The following REXO5 variants were observed in gnomAD, a reference collection of about 807,000 sequenced individuals.
REXO5 encodes exonuclease NEF-sp.
REXO5 carries 48 observed loss-of-function variants against 88.5 expected under a neutral mutation model. That is an observed-to-expected ratio of 0.54 (90% confidence interval 0.43 to 0.69). The LOEUF is 0.69. REXO5 is among the 30% of genes least tolerant of loss of function. The pLI is 0.00. For synonymous variants in REXO5, 311 were observed against 336.5 expected (o/e 0.92, Z 0.83); for missense variants, 749 against 912.2 (o/e 0.82, Z 2.30).
Position 20,825,937 on chromosome 16 carries a change from C to T in REXO5, c.810C>T (p.Asp270=). 1 of 1,611,534 alleles carries T rather than the reference C, an allele frequency of 6.2e-7. No homozygotes were observed. Among genetic ancestry groups the T allele is most frequent in the Non-Finnish European group, 8.5e-7 (1 of 1,178,070 alleles). ...ELVKPENKIL[D]YLTSFSGITK... is the part of the protein sequence containing the mutation. Reference sequence around the variant, plus strand: ...TCAAACCTGAAAACAAGATTCTGGACTACCTCACCAGGTATTTTTCACCTT... The same window carrying T: ...TCAAACCTGAAAACAAGATTCTGGATTACCTCACCAGGTATTTTTCACCTT... Residue 270 remains aspartate (D), a synonymous_variant, in exon 8 of 20, where the codon GAC becomes GAT. Coordinates refer to ENST00000261377, the MANE Select transcript of REXO5 (RefSeq NM_030941.3).
intron 5 of REXO5, 96 bp downstream of exon 5, chr16:20,816,308 G>C: frequency 9.6e-7 from 1 of 1,036,630 alleles, no homozygotes; most frequent in Non-Finnish European, 1.4e-6. Context: ...ATTCTAACTA[G>C]CTTAAGCACA....
At chr16:20,842,922 GT>G (rs903793084) in intron 15 of REXO5, among the ~76,000 whole-genome samples, 1 of 152,286 alleles carries the variant, frequency 6.6e-6, no homozygotes, top group African/African-American at 2.4e-5. Context: ...CCATTATACT[GT>G]TTTCCACAGT....
chr16:20,843,462 A>G lies in REXO5; in HGVS notation c.1627-472A>G, dbSNP rs907520678. On this transcript the variant is annotated intron_variant, in intron 15 of 19. Transcript: ENST00000261377. ...AACCATTGCCAAATCCAGTGTCATG[A>G]AACTTTTCTATGGGAAGGCTTTTAT... Among the ~76,000 whole-genome samples the G allele has an allele frequency of 7.2e-5, 11 of 152,324 alleles. No individual in the cohort carries two copies. The East Asian group carries it at 2.1e-3, about 29-fold the overall frequency.
chr16:20,820,414 C>T lies in REXO5; in HGVS notation c.476-1348C>T, dbSNP rs747858739. On this transcript the variant is annotated intron_variant, in intron 5 of 19. Coordinates refer to ENST00000261377, the MANE Select transcript of REXO5 (RefSeq NM_030941.3). ...TATGTGGGTAGAAAGCCAGCAGGAA[C>T]CTAAGTGCCCCTAGTAAAAAGATTT... 2.7e-5 allele frequency among the ~76,000 whole-genome samples: 4 copies of T among 150,148 alleles called. 1 individual carries two copies. The highest frequency in any genetic ancestry group is 6.5e-3 in the Middle Eastern group (2 of 310).
At chr16:20,831,215 C>T (rs1193718478) in intron 11 of REXO5, among the ~76,000 whole-genome samples, 1 of 151,914 alleles carries the variant, frequency 6.6e-6, no homozygotes, top group African/African-American at 2.4e-5. Flanking sequence ...TTTTGTGAAA[C>T]CTTTTAATAT....
intron 19 of REXO5, among the ~76,000 whole-genome samples, chr16:20,847,773 G>A (rs904316396): frequency 1.3e-5 from 2 of 152,178 alleles, no homozygotes; most frequent in African/African-American, 2.4e-5. Flanking sequence ...TGGGCTCTGG[G>A]GAACAGACAG....
At position 20,833,090 on chromosome 16, in the gene REXO5, T is replaced by C. The variant is rs770637672; in HGVS notation, c.1350T>C (p.Asn450=). 1.9e-6 allele frequency: 3 copies of C among 1,613,592 alleles called. No homozygotes were observed. Among genetic ancestry groups the C allele is most frequent in the Middle Eastern group, 1.7e-4 (1 of 6,058 alleles). Residue 450 remains asparagine, a synonymous_variant, in exon 13 of 20, where the codon AAT becomes AAC. Coordinates refer to ENST00000261377, the MANE Select transcript of REXO5 (RefSeq NM_030941.3). ...CTGGTGAACTTCCATCTTCCAGAAA[T>C]TGTCAAACTATTAAGTGTCTTTCAA... ...TDAGELPSSR[N]CQTIKCLSNK...
rs529245420 is a variant in REXO5 at position 20,809,435 on chromosome 16, T to C, written c.138+2344T>C. 5.3e-5 allele frequency among the ~76,000 whole-genome samples: 8 copies of C among 152,376 alleles called. No individual in the cohort carries two copies. In the East Asian group the frequency reaches 1.5e-3, roughly 29 times the overall value. ...TCTAGAATTGTGTTAAATTTAATTG[T>C]CATGTCTCCATCAAACAGTTCCTTA... On this transcript the variant is annotated intron_variant, in intron 2 of 19. Transcript: ENST00000261377.
At chr16:20,813,348 T>TC (rs2081031004) in intron 3 of REXO5, 46 bp downstream of exon 3, 11 of 622,290 alleles carry the variant, frequency 1.8e-5, no homozygotes, top group South Asian at 7.4e-5. Context: ...CGGTTTCTTT[T>TC]TTTTTTTTTT....
intron 7 of REXO5, 52 bp from the exon 8 acceptor site, chr16:20,825,781 A>G (rs1258408429): frequency 1.4e-5 from 18 of 1,281,018 alleles, no homozygotes; most frequent in Non-Finnish European, 2.0e-5. Flanking sequence ...AATAGTAAGA[A>G]GAAGCAATAA....
Position 20,846,101 on chromosome 16 carries a change from T to C in REXO5, c.2125-120T>C, listed in dbSNP as rs2081602301. 1.0e-5 allele frequency: 8 copies of C among 789,178 alleles called. No homozygotes were observed. In the South Asian group the frequency reaches 1.3e-4, roughly 13 times the overall value. 48.9% of individuals were successfully genotyped at this position (789,178 alleles called of 1,614,324 possible). A position where few individuals can be genotyped will look rare whatever the true frequency, so the allele number is the denominator to read the frequency against. ...GTGGGCTCCAGTGTTAGAAAAGGGATTTGTCTGGAACCTTTACTGGAATCC... is the reference window on the plus strand; with the variant it reads ...GTGGGCTCCAGTGTTAGAAAAGGGACTTGTCTGGAACCTTTACTGGAATCC... On this transcript the variant is annotated intron_variant, in intron 18 of 19. Coordinates refer to ENST00000261377, the MANE Select transcript of REXO5 (RefSeq NM_030941.3).
chr16:20,841,266 A>C (rs2081523566), intron 15 of REXO5, among the ~76,000 whole-genome samples: 1 of 152,246 alleles, frequency 6.6e-6, no homozygotes, highest in Non-Finnish European at 1.5e-5. Flanking sequence ...TAACAATACC[A>C]TATCAATAGA....
chr16:20,846,350 G>T lies in REXO5; in HGVS notation c.2243+11G>T. The stretch of plus-strand genomic sequence containing the variant: ...GCCAGGAACCAAGAGGTAAGGACTA[G>T]AAAGGGTATCCCTTCAGGACTCTGT... On this transcript the variant is annotated intron_variant, in intron 19 of 19. Coordinates refer to ENST00000261377, the MANE Select transcript of REXO5 (RefSeq NM_030941.3). 2 of 1,597,262 alleles carry T rather than the reference G, an allele frequency of 1.3e-6. No homozygotes were observed. The highest frequency in any genetic ancestry group is 1.1e-5 in the South Asian group (1 of 90,708).
At position 20,824,459 on chromosome 16, in the gene REXO5, T is replaced by C; in HGVS notation, c.637T>C (p.Phe213Leu). ...CCTAGGTTTTCCTGATTGTGAAAAC[T>C]TTTTACTTACCAAATGTAATGGTTC... Reference protein sequence around the residue: ...PLQGFPDCENFLLTKCNGSIA... With the variant: ...PLQGFPDCENLLLTKCNGSIA... The change falls in exon 7 of 20, where the codon TTT becomes CTT. Residue 213 changes from phenylalanine (F) to leucine (L), a missense_variant. Phe to Leu is a conservative substitution (Grantham distance 22). Coordinates refer to ENST00000261377, the MANE Select transcript of REXO5 (RefSeq NM_030941.3). 1 of 1,609,440 alleles carries C rather than the reference T, an allele frequency of 6.2e-7. No homozygotes were observed. Among genetic ancestry groups the C allele is most frequent in the Middle Eastern group, 1.7e-4 (1 of 5,892 alleles).
Position 20,827,160 on chromosome 16 carries a change from G to T in REXO5, c.924G>T (p.Val308=), listed in dbSNP as rs747950052. 1.9e-6 allele frequency: 3 copies of T among 1,614,022 alleles called. No individual in the cohort carries two copies. Among genetic ancestry groups the T allele is most frequent in the Non-Finnish European group, 2.5e-6 (3 of 1,179,982 alleles). The change falls in exon 9 of 20, where the codon GTG becomes GTT. Residue 308 remains valine, a synonymous_variant. Coordinates refer to ENST00000261377, the MANE Select transcript of REXO5 (RefSeq NM_030941.3). ...KALLPPDAVL[V]GHSLDLDLRA... ...TGCTTCCTCCTGATGCTGTGTTAGT[G>T]GGCCACTCCTTAGATTTGGATCTCA...
intron 12 of REXO5, 148 bp from the exon 13 acceptor site, chr16:20,832,855 G>A (rs1286944907): frequency 4.7e-6 from 3 of 642,664 alleles, no homozygotes; most frequent in African/African-American, 3.6e-5. Context: ...GTGCAGTTGA[G>A]GAACTGAATT....
chr16:20,820,594 C>T (rs543713974), intron 5 of REXO5, among the ~76,000 whole-genome samples: 80 of 104,712 alleles, frequency 7.6e-4, no homozygotes, highest in African/African-American at 2.7e-3. Flanking sequence ...GACAGAGCCT[C>T]GCTCTGTTGC....
chr16:20,814,968 T>C lies in REXO5; in HGVS notation c.293T>C (p.Val98Ala). ...LFHQNHLNNV[V>A]VFVLQGMSQL... Reference sequence around the variant, plus strand: ...CATCAAAACCACCTAAACAACGTAGTGGTTTTTGTTCTGCAGGGAATGAGT... The same window carrying C: ...CATCAAAACCACCTAAACAACGTAGCGGTTTTTGTTCTGCAGGGAATGAGT... Residue 98 changes from valine to alanine, a missense_variant, in exon 4 of 20, where the codon GTG (valine) becomes GCG (alanine). By Grantham distance (64) the Val-to-Ala change is moderately conservative. Coordinates refer to ENST00000261377, the MANE Select transcript of REXO5 (RefSeq NM_030941.3). 1 of 1,613,808 alleles carries C rather than the reference T, an allele frequency of 6.2e-7. No homozygotes were observed. Among genetic ancestry groups the C allele is most frequent in the African/African-American group, 1.3e-5 (1 of 75,026 alleles).
Position 20,849,286 on chromosome 16 carries a change from T to A in REXO5, c.2244-113T>A, listed in dbSNP as rs922317571. 5 of 984,654 alleles carry A rather than the reference T, an allele frequency of 5.1e-6. No homozygotes were observed. The African/African-American group carries it at 8.1e-5, about 16-fold the overall frequency. The allele number at this position is 984,654 out of a possible 1,614,324, so 61.0% of individuals were successfully genotyped here. On this transcript the variant is annotated intron_variant, in intron 19 of 19. Transcript: ENST00000261377. ...CAGCTTTCCATAAACCTTCCTGCCC[T>A]TGCCCCATGGCACACACACATACTT...
Sources: gnomAD v4.1 joint callset for allele counts (sites outside exome capture counted in the v4.1 genomes callset) on GRCh38, gnomAD v4.1.1 for gene constraint, MANE v1.5 for transcripts, NCBI Gene and HGNC (gene_info 2026-07-23, HGNC 2026-07-21) for gene names.